The following SLC7A1 variants were observed in gnomAD, a reference collection of about 807,000 sequenced individuals.
SLC7A1 encodes the protein high affinity cationic amino acid transporter 1.
Under a neutral mutation model 53.9 loss-of-function variants are expected in SLC7A1, and 10 were observed. The ratio of observed to expected loss-of-function variants is 0.19; its 90% CI spans 0.11 to 0.31. SLC7A1 has a LOEUF of 0.31. SLC7A1 is among the 10% of genes least tolerant of loss of function. The probability of loss-of-function intolerance (pLI) is 1.00; values close to 1 mark genes in which losing one functional copy is unlikely to be tolerated. For synonymous variants in SLC7A1, 342 were observed against 338.7 expected, an observed-to-expected ratio of 1.01 and a Z score of -0.11; for missense variants, 525 against 827.2, an observed-to-expected ratio of 0.63 and a Z score of 4.48.
At chr13:29,577,396 C>T (rs540285648) in intron 1 of SLC7A1, among the ~76,000 whole-genome samples, 1 of 152,324 alleles carries the variant, frequency 6.6e-6, no homozygotes, top group African/African-American at 2.4e-5. Flanking sequence ...AAGTACCTCG[C>T]TGGTGAGGGG....
In SLC7A1 at chr13:29,517,254, T is replaced by G; in HGVS notation, c.1567A>C (p.Lys523Gln). 1 of 1,613,452 alleles carries G rather than the reference T, an allele frequency of 6.2e-7. No homozygotes were observed. Among genetic ancestry groups the G allele is most frequent in the Non-Finnish European group, 8.5e-7 (1 of 1,179,758 alleles). The change falls in exon 11 of 13, where the codon AAA becomes CAA. Residue 523 changes from lysine (K) to glutamine (Q), a missense_variant. By Grantham distance (53) the Lys-to-Gln change is moderately conservative (BLOSUM62 1). Coordinates refer to ENST00000380752, the MANE Select transcript of SLC7A1 (RefSeq NM_003045.5). The stretch of plus-strand genomic sequence containing the variant: ...AGAAAGACTGCCCACAGCGCCCCTT[T>G]GGTGAGAGCCTCCCTTCCAAGCACG... ...VTVLGREALT[K>Q]GALWAVFLLA...
intron 5 of SLC7A1, 42 bp from the exon 6 acceptor site, chr13:29,524,295 C>A (rs922358203): frequency 1.2e-6 from 2 of 1,612,346 alleles, no homozygotes; most frequent in East Asian, 2.2e-5. Context: ...TCACTCGCTG[C>A]GCAGTCTGGC....
intron 8 of SLC7A1, among the ~76,000 whole-genome samples, chr13:29,521,128 T>C (rs1254430338): frequency 6.6e-6 from 1 of 152,238 alleles, no homozygotes; most frequent in African/African-American, 2.4e-5. Flanking sequence ...CACATTCTGA[T>C]GTATAGTGCC....
In SLC7A1 at chr13:29,510,566, AC is replaced by A. The variant is rs1481059058; in HGVS notation, c.*3913del. The A allele has an allele frequency of 7.2e-5, 11 of 152,290 alleles. No individual in the cohort carries two copies. Among genetic ancestry groups the A allele is most frequent in the African/African-American group, 2.6e-4 (11 of 41,564 alleles). The allele number at this position is 152,290 out of a possible 1,614,324, so 9.4% of individuals were successfully genotyped here. The stretch of plus-strand genomic sequence containing the variant: ...TATATCCAGATCCGTCTGCAGGCGA[AC>A]TCTGCATCAGTTCCACATATAAGCC... On this transcript the variant is annotated 3_prime_UTR_variant, in exon 13 of 13. Coordinates refer to ENST00000380752, the MANE Select transcript of SLC7A1 (RefSeq NM_003045.5).
chr13:29,582,908 TA>T (rs1871708372), intron 1 of SLC7A1, among the ~76,000 whole-genome samples: 1 of 152,310 alleles, frequency 6.6e-6, no homozygotes, highest in East Asian at 1.9e-4. Context: ...CTTAGCTACC[TA>T]CACGCTCTTT....
intron 12 of SLC7A1, among the ~76,000 whole-genome samples, chr13:29,515,347 G>A (rs898899570): frequency 2.0e-5 from 3 of 152,242 alleles, no homozygotes; most frequent in African/African-American, 7.2e-5. Flanking sequence ...AAGGCTCTAG[G>A]AGACGTCTGT....
At chr13:29,559,937 A>G (rs538751736) in intron 1 of SLC7A1, among the ~76,000 whole-genome samples, 98 of 152,106 alleles carry the variant, frequency 6.4e-4, no homozygotes, top group Non-Finnish European at 8.8e-4. Flanking sequence ...GGATGGTCTC[A>G]ATCTCCTGAC....
chr13:29,594,616 A>G (rs1196402764), intron 1 of SLC7A1, among the ~76,000 whole-genome samples: 1 of 152,218 alleles, frequency 6.6e-6, no homozygotes, highest in African/African-American at 2.4e-5. Flanking sequence ...GAACACCCTG[A>G]GAATACGGTG....
At chr13:29,584,179 T>C (rs918686894) in intron 1 of SLC7A1, among the ~76,000 whole-genome samples, 4 of 151,752 alleles carry the variant, frequency 2.6e-5, no homozygotes, top group Non-Finnish European at 4.4e-5. Context: ...AATGGCACGA[T>C]CTCGTCTCAC....
chr13:29,540,903 G>A (rs1194318945), intron 2 of SLC7A1, among the ~76,000 whole-genome samples: 1 of 152,190 alleles, frequency 6.6e-6, no homozygotes, highest in Non-Finnish European at 1.5e-5. Context: ...GAATGGGTGG[G>A]CATAGTCAAT....
At chr13:29,561,391 C>T (rs1168777629) in intron 1 of SLC7A1, among the ~76,000 whole-genome samples, 2 of 152,110 alleles carry the variant, frequency 1.3e-5, no homozygotes, top group Non-Finnish European at 2.9e-5. Flanking sequence ...TGAAGTCAAC[C>T]AATAGCTACA....
chr13:29,579,363 A>ATT (rs34087661), intron 1 of SLC7A1, among the ~76,000 whole-genome samples: 10,758 of 143,994 alleles, frequency 0.075, 432 homozygotes, highest in Middle Eastern at 0.17. Flanking sequence ...TCCACTAGCA[A>ATT]TTTTTTTTTT....
At chr13:29,534,515 T>C (rs988149244) in intron 3 of SLC7A1, among the ~76,000 whole-genome samples, 18 of 152,206 alleles carry the variant, frequency 1.2e-4, no homozygotes, top group African/African-American at 4.3e-4. Context: ...AAGACTAAGC[T>C]ATGTTGGCTC....
At chr13:29,574,900 T>A (rs1013828447) in intron 1 of SLC7A1, among the ~76,000 whole-genome samples, 1 of 152,144 alleles carries the variant, frequency 6.6e-6, no homozygotes, top group Non-Finnish European at 1.5e-5. Context: ...TGCCTCGGCC[T>A]CCCAAAGTGC....
At chr13:29,517,893 C>T (rs868068723) in intron 9 of SLC7A1, 103 bp from the exon 10 acceptor site, 3 of 851,060 alleles carry the variant, frequency 3.5e-6, no homozygotes, top group East Asian at 5.1e-5. Flanking sequence ...GCCCGGGACA[C>T]AAGGTATAAA....
chr13:29,519,630 C>T, intron 8 of SLC7A1, 81 bp from the exon 9 acceptor site: 1 of 843,108 alleles, frequency 1.2e-6, no homozygotes, highest in Non-Finnish European at 1.9e-6. Flanking sequence ...CGCCCACCAT[C>T]CAGGGCAGCG....
chr13:29,537,169 AG>A (rs1269674473), intron 2 of SLC7A1, among the ~76,000 whole-genome samples: 1 of 148,870 alleles, frequency 6.7e-6, no homozygotes, highest in Non-Finnish European at 1.5e-5. Flanking sequence ...CCAGGATGGA[AG>A]GGTGGGGGTG....
At chr13:29,523,990 G>T in intron 6 of SLC7A1, 142 bp downstream of exon 6, 1 of 756,280 alleles carries the variant, frequency 1.3e-6, no homozygotes, top group Non-Finnish European at 2.2e-6. Context: ...GGGAGGGCTT[G>T]GCAGGAAGCT....
At chr13:29,584,796 GTATGGCTGC>G (rs1386455470) in intron 1 of SLC7A1, among the ~76,000 whole-genome samples, 2 of 152,074 alleles carry the variant, frequency 1.3e-5, no homozygotes, top group Non-Finnish European at 2.9e-5. Context: ...CTATTTAATG[GTATGGCTGC>G]TATTGTTAAT....
Sources: allele counts gnomAD v4.1 joint callset (sites outside exome capture counted in the v4.1 genomes callset), GRCh38; gene constraint gnomAD v4.1.1; transcripts MANE v1.5; gene names NCBI Gene and HGNC (gene_info 2026-07-23, HGNC 2026-07-21).